The following SURF4 variants were observed in gnomAD, a reference collection of about 807,000 sequenced individuals.
SURF4 encodes surfeit locus protein 4.
A neutral mutation model predicts 30.0 loss-of-function variants in SURF4; 3 were observed. That is an observed-to-expected ratio of 0.10 (90% CI 0.05 to 0.26). SURF4 has a LOEUF of 0.26. SURF4 is among the 10% of genes least tolerant of loss of function. The pLI is 1.00. For synonymous variants in SURF4, 143 were observed against 139.9 expected (o/e 1.02, Z -0.16); for missense variants, 217 against 350.8 (o/e 0.62, Z 3.05).
intron 4 of SURF4, 92 bp downstream of exon 4, chr9:133,365,893 A>AT: frequency 7.4e-7 from 1 of 1,357,702 alleles, no homozygotes; most frequent in Non-Finnish European, 1.0e-6. Context: ...GGTGCCCAAG[A>AT]TTTTTCCCAT....
At chr9:133,373,585 AAAGT>A (rs1336569262) in intron 1 of SURF4, among the ~76,000 whole-genome samples, 1 of 151,676 alleles carries the variant, frequency 6.6e-6, no homozygotes, top group Non-Finnish European at 1.5e-5. Context: ...CCTGGGTGAC[AAAGT>A]AAGACTCTGT....
At chr9:133,376,638 C>T (rs2130250190), upstream of SURF4, 249 of 1,326,014 alleles carry the variant, frequency 1.9e-4, no homozygotes, top group Admixed American at 1.9e-3. Context: ...CCGGCGGTTC[C>T]GACCGAGGGC....
intron 5 of SURF4, chr9:133,364,014 A>T (rs2130097947): frequency 2.9e-6 from 2 of 696,734 alleles, no homozygotes; most frequent in Admixed American, 4.3e-5. Flanking sequence ...TGATTTACCA[A>T]GATGAATCTC....
At chr9:133,369,451 C>T (rs1024232514) in intron 1 of SURF4, among the ~76,000 whole-genome samples, 6 of 152,138 alleles carry the variant, frequency 3.9e-5, no homozygotes, top group African/African-American at 1.4e-4. Flanking sequence ...TAGAGTGAGG[C>T]CACCTGAACT....
chr9:133,365,940 A>G (rs2130121528), intron 4 of SURF4, 45 bp downstream of exon 4: 2 of 1,594,182 alleles, frequency 1.3e-6, no homozygotes, highest in Admixed American at 1.7e-5. Flanking sequence ...GCAATGCTCA[A>G]CCTGTAGAAG....
chr9:133,375,384 C>T, intron 1 of SURF4: 2 of 985,706 alleles, frequency 2.0e-6, no homozygotes, highest in Non-Finnish European at 2.4e-6. Flanking sequence ...AAGAGTCCAG[C>T]ACATCTGGGA....
chr9:133,367,554 C>T, intron 1 of SURF4, 109 bp from the exon 2 acceptor site: 1 of 1,566,874 alleles, frequency 6.4e-7, no homozygotes, highest in Non-Finnish European at 8.6e-7. Context: ...CTGTGGAAGG[C>T]AAGAGCTCTT....
At chr9:133,367,226 C>A (rs1426883706) in intron 2 of SURF4, 33 bp downstream of exon 2, 3 of 1,607,014 alleles carry the variant, frequency 1.9e-6, no homozygotes, top group Non-Finnish European at 2.6e-6. Flanking sequence ...ACAAGACGCC[C>A]AGTGAATCCT....
Position 133,375,946 on chromosome 9 carries a change from G to C in SURF4, c.24C>G (p.Gly8=). MGQNDLM[G]TAEDFADQFL... ...CCTGGTCGGCGAAGTCCTCGGCCGT[G>C]CCCATCAGGTCGTTCTGGCCCATGG... is the stretch of plus-strand genomic sequence containing the variant. The change falls in exon 1 of 6, where the codon GGC becomes GGG. Residue 8 remains glycine, a synonymous_variant. Coordinates refer to ENST00000371989, the MANE Select transcript of SURF4 (RefSeq NM_033161.4). 8.1e-7 allele frequency: 1 copy of C among 1,234,320 alleles called. No individual in the cohort carries two copies. Among genetic ancestry groups the C allele is most frequent in the Non-Finnish European group, 1.0e-6 (1 of 984,680 alleles). 76.5% of individuals were successfully genotyped at this position (1,234,320 alleles called of 1,614,324 possible). A position where few individuals can be genotyped will look rare whatever the true frequency, so the allele number is the denominator to read the frequency against.
upstream of SURF4, chr9:133,376,155 C>G: frequency 3.3e-6 from 4 of 1,211,906 alleles, no homozygotes; most frequent in Non-Finnish European, 4.1e-6. Context: ...CGGGCCCGCC[C>G]CGGTGCGTCT....
In SURF4 at chr9:133,370,970, AG is replaced by A. The variant is rs1301929514; in HGVS notation, c.49-3526del. ...AGTGACAGCATCTGAGGGGCTTAACAGGAAGACTGATATTTCTCTCAAAGGG... is the reference window on the plus strand; with the variant it reads ...AGTGACAGCATCTGAGGGGCTTAACAGAAGACTGATATTTCTCTCAAAGGG... On this transcript the variant is annotated intron_variant, in intron 1 of 5. Transcript: ENST00000371989. 5 of 1,289,220 alleles carry A rather than the reference AG, an allele frequency of 3.9e-6. No homozygotes were observed. In the African/African-American group the frequency reaches 7.6e-5, roughly 20 times the overall value. The allele number at this position is 1,289,220 out of a possible 1,614,324, so 79.9% of individuals were successfully genotyped here.
chr9:133,368,762 TTTCTC>T (rs1287930407), intron 1 of SURF4, among the ~76,000 whole-genome samples: 4 of 152,196 alleles, frequency 2.6e-5, no homozygotes, highest in African/African-American at 7.2e-5. Context: ...CCCATGCACT[TTTCTC>T]TTATCACCCA....
chr9:133,366,108 G>C, intron 3 of SURF4, 80 bp from the exon 4 acceptor site: 1 of 1,405,690 alleles, frequency 7.1e-7, no homozygotes, highest in Non-Finnish European at 1.0e-6. Context: ...ACATTAGGCC[G>C]TCTCTCCAAT....
At chr9:133,374,629 T>C (rs1408768336) in intron 1 of SURF4, among the ~76,000 whole-genome samples, 2 of 152,018 alleles carry the variant, frequency 1.3e-5, no homozygotes, top group African/African-American at 2.4e-5. Flanking sequence ...AAAATCAGAA[T>C]CTTAGGGAAA....
Position 133,363,858 on chromosome 9 carries a change from C to A in SURF4, c.544-99G>T. ...CTGCTGCACGTCATGAAGTCTCTATCCATCAGGCTGATGTAGCTACTGCTG... is the reference window on the plus strand; with the variant it reads ...CTGCTGCACGTCATGAAGTCTCTATACATCAGGCTGATGTAGCTACTGCTG... On this transcript the variant is annotated intron_variant, in intron 5 of 5. Transcript: ENST00000371989. This position sits in a 1 kb window ranked among gnomAD's most constrained non-coding sequence, Gnocchi z 4.3. 6.9e-7 allele frequency: 1 copy of A among 1,457,890 alleles called. No homozygotes were observed. Among genetic ancestry groups the A allele is most frequent in the Non-Finnish European group, 9.5e-7 (1 of 1,050,322 alleles). The allele number at this position is 1,457,890 out of a possible 1,614,324, so 90.3% of individuals were successfully genotyped here.
intron 1 of SURF4, 195 bp from the exon 2 acceptor site, chr9:133,367,640 G>C (rs1181623385): frequency 3.5e-6 from 5 of 1,413,068 alleles, no homozygotes; most frequent in Non-Finnish European, 4.7e-6. Context: ...TGTGAGTCTG[G>C]ACACATGCAA....
At position 133,362,167 on chromosome 9, in the gene SURF4, G is replaced by C. The variant is rs1836850603; in HGVS notation, c.*1326C>G. 1 of 152,228 alleles carries C rather than the reference G, an allele frequency of 6.6e-6. No homozygotes were observed. Among genetic ancestry groups the C allele is most frequent in the East Asian group, 1.9e-4 (1 of 5,178 alleles). The allele number at this position is 152,228 out of a possible 1,614,324, so 9.4% of individuals were successfully genotyped here. A position where few individuals can be genotyped will look rare whatever the true frequency, so the allele number is the denominator to read the frequency against. Reference sequence around the variant, plus strand: ...TGGATGAGAGGCCAAGAGGGAGGCAGGCTCGGGGCTGGGCCGCAGCAGCCC... The same window carrying C: ...TGGATGAGAGGCCAAGAGGGAGGCACGCTCGGGGCTGGGCCGCAGCAGCCC... On this transcript the variant is annotated 3_prime_UTR_variant, in exon 6 of 6. Coordinates refer to ENST00000371989, the MANE Select transcript of SURF4 (RefSeq NM_033161.4).
At position 133,363,840 on chromosome 9, in the gene SURF4, A is replaced by G. The variant is rs2130094157; in HGVS notation, c.544-81T>C. ...TATAAACAAAAGTTCCAGCTGCTGC[A>G]CGTCATGAAGTCTCTATCCATCAGG... is the stretch of plus-strand genomic sequence containing the variant. On this transcript the variant is annotated intron_variant, in intron 5 of 5. Transcript: ENST00000371989. The surrounding 1 kb of genome is among the most constrained non-coding windows in gnomAD (Gnocchi z 4.3). 6 of 1,545,442 alleles carry G rather than the reference A, an allele frequency of 3.9e-6. No individual in the cohort carries two copies. In the South Asian group the frequency reaches 6.8e-5, roughly 18 times the overall value.
chr9:133,368,308 A>C (rs1837297941), intron 1 of SURF4, among the ~76,000 whole-genome samples: 1 of 152,242 alleles, frequency 6.6e-6, no homozygotes, highest in Non-Finnish European at 1.5e-5. Context: ...GAATAGTAAG[A>C]TCACGTTTAC....
Sources: allele counts gnomAD v4.1 joint callset (sites outside exome capture counted in the v4.1 genomes callset), GRCh38; gene constraint gnomAD v4.1.1; non-coding constraint Gnocchi (gnomAD v3.1); transcripts MANE v1.5; gene names NCBI Gene and HGNC (gene_info 2026-07-23, HGNC 2026-07-21).